The following CDH1 variants were observed in gnomAD, a reference collection of about 807,000 sequenced individuals.
CDH1 encodes the protein cadherin 1, also known as cadherin-1.
A neutral mutation model predicts 84.5 loss-of-function variants in CDH1; 35 were observed. The ratio of observed to expected loss-of-function variants is 0.41; its 90% CI spans 0.32 to 0.55. The LOEUF (loss-of-function observed/expected upper bound fraction) is 0.55. Ranked by LOEUF, CDH1 falls within the 20% of genes least tolerant of loss-of-function variation. The pLI is 0.19. For missense variants in CDH1, 994 were observed against 1,126.6 expected (o/e 0.88, Z 1.68); for synonymous variants, 417 against 439.0 (o/e 0.95, Z 0.63).
intron 2 of CDH1, among the ~76,000 whole-genome samples, chr16:68,778,705 AAGG>A (rs1178497638): frequency 6.6e-5 from 10 of 152,154 alleles, no homozygotes; most frequent in Admixed American, 2.0e-4. Context: ...AATGGCTTAA[AAGG>A]GTGTTTAAAA....
chr16:68,766,238 G>A (rs955995303), intron 2 of CDH1, among the ~76,000 whole-genome samples: 17 of 152,118 alleles, frequency 1.1e-4, no homozygotes, highest in African/African-American at 3.6e-4. Flanking sequence ...CAGCCTGGGC[G>A]ACAGAGTGAG....
chr16:68,782,561 G>A (rs1959915132), intron 2 of CDH1, among the ~76,000 whole-genome samples: 1 of 152,188 alleles, frequency 6.6e-6, no homozygotes, highest in South Asian at 2.1e-4. Context: ...CTAGACTCCA[G>A]GCCTAAGCGC....
At chr16:68,825,187 T>C (rs1961286721) in intron 13 of CDH1, among the ~76,000 whole-genome samples, 1 of 152,370 alleles carries the variant, frequency 6.6e-6, no homozygotes, top group African/African-American at 2.4e-5. Flanking sequence ...AGCTCATGAA[T>C]GCCTTTGTAG....
intron 6 of CDH1, among the ~76,000 whole-genome samples, chr16:68,811,226 T>A (rs556275263): frequency 6.6e-6 from 1 of 151,986 alleles, no homozygotes; most frequent in South Asian, 2.1e-4. Context: ...GGAGAAACCC[T>A]GTCTCTACTA....
At chr16:68,798,885 T>C (rs1019889593) in intron 2 of CDH1, among the ~76,000 whole-genome samples, 1 of 152,276 alleles carries the variant, frequency 6.6e-6, no homozygotes, top group African/African-American at 2.4e-5. Context: ...GGACTTGGCA[T>C]TTCTTCTTGA....
At position 68,819,272 on chromosome 16, in the gene CDH1, C is replaced by G. The variant is rs587780114; in HGVS notation, c.1566-8C>G. On this transcript the variant is annotated splice_polypyrimidine_tract_variant and splice_region_variant and intron_variant, in intron 10 of 15. Coordinates refer to ENST00000261769, the MANE Select transcript of CDH1 (RefSeq NM_004360.5). ...CTATTCTAAAAGCCAGAGCTTGTCC[C>G]CGTTCAGATATCGGATTTGGAGAGA... is the stretch of plus-strand genomic sequence containing the variant. 3.7e-6 allele frequency: 6 copies of G among 1,614,214 alleles called. No individual in the cohort carries two copies. Among genetic ancestry groups the G allele is most frequent in the Non-Finnish European group, 5.1e-6 (6 of 1,180,036 alleles).
At chr16:68,788,123 A>G (rs934826891) in intron 2 of CDH1, among the ~76,000 whole-genome samples, 2 of 152,142 alleles carry the variant, frequency 1.3e-5, no homozygotes, top group African/African-American at 2.4e-5. Context: ...CACCGCACCC[A>G]GCCTACTGTT....
At chr16:68,792,279 G>C (rs1421924203) in intron 2 of CDH1, among the ~76,000 whole-genome samples, 3 of 150,866 alleles carry the variant, frequency 2.0e-5, no homozygotes, top group East Asian at 1.9e-4. Flanking sequence ...GCCCAGGCTG[G>C]AGGGCAGTGG....
At chr16:68,758,809 A>T (rs1477694167) in intron 2 of CDH1, among the ~76,000 whole-genome samples, 2 of 142,378 alleles carry the variant, frequency 1.4e-5, no homozygotes. Flanking sequence ...TTTGAGTGCA[A>T]TTTTTTTTTT....
In CDH1 at chr16:68,792,506, G is replaced by T. The variant is rs145306062; in HGVS notation, c.164-9164G>T. On this transcript the variant is annotated intron_variant, in intron 2 of 15. Coordinates refer to ENST00000261769, the MANE Select transcript of CDH1 (RefSeq NM_004360.5). ...CCCAAAGGGCTGGGATTATAGGCGT[G>T]AGCCAGTACGCCCTGCGACACTGAC... is the stretch of plus-strand genomic sequence containing the variant. Among the ~76,000 whole-genome samples, 120 of 152,312 alleles carry T rather than the reference G, an allele frequency of 7.9e-4. No individual in the cohort carries two copies. The Middle Eastern group carries it at 0.01, about 13-fold the overall frequency.
At chr16:68,766,738 C>T (rs1384653635) in intron 2 of CDH1, among the ~76,000 whole-genome samples, 13 of 150,320 alleles carry the variant, frequency 8.6e-5, no homozygotes, top group South Asian at 2.1e-4. Context: ...CTAGAACCCC[C>T]TTTTTTTTTG....
At chr16:68,831,630 C>G (rs58819426) in intron 15 of CDH1, among the ~76,000 whole-genome samples, 8,876 of 151,966 alleles carry the variant, frequency 0.058, 368 homozygotes, top group Middle Eastern at 0.14. Context: ...ACCTCTGCCT[C>G]CTAGATTCAA....
rs1960856637 is a variant in CDH1 at position 68,812,187 on chromosome 16, G to A, written c.1061G>A (p.Gly354Glu). 1 of 1,614,150 alleles carries A rather than the reference G, an allele frequency of 6.2e-7. No homozygotes were observed. Among genetic ancestry groups the A allele is most frequent in the Non-Finnish European group, 8.5e-7 (1 of 1,180,002 alleles). The change falls in exon 8 of 16, where the codon GGG becomes GAG. Residue 354 changes from glycine (G) to glutamate (E), a missense_variant. Physicochemically the swap from Gly to Glu is moderately conservative, Grantham distance 98. Coordinates refer to ENST00000261769, the MANE Select transcript of CDH1 (RefSeq NM_004360.5). ...VVQAADLQGE[G>E]LSTTATAVIT... is the part of the protein sequence containing the mutation. ...CAAGCTGCTGACCTTCAAGGTGAGG[G>A]GTTAAGCACAACAGCAACAGCTGTG...
chr16:68,791,124 G>T (rs1489421047), intron 2 of CDH1, among the ~76,000 whole-genome samples: 1 of 152,062 alleles, frequency 6.6e-6, no homozygotes, highest in East Asian at 1.9e-4. Context: ...TGTGATTGTG[G>T]CTGGATCTTC....
rs878854694 is a variant in CDH1, at chr16:68,810,209, G to A, written c.700G>A (p.Ala234Thr). 5 of 1,614,064 alleles carry A rather than the reference G, an allele frequency of 3.1e-6. No homozygotes were observed. Among genetic ancestry groups the A allele is most frequent in the Non-Finnish European group, 3.4e-6 (4 of 1,180,006 alleles). ...RIATYTLFSH[A>T]VSSNGNAVED... Reference sequence around the variant, plus strand: ...TTGGTTCTTTCAGCTCTTCTCTCACGCTGTGTCATCCAACGGGAATGCAGT... The same window carrying A: ...TTGGTTCTTTCAGCTCTTCTCTCACACTGTGTCATCCAACGGGAATGCAGT... The change falls in exon 6 of 16, where the codon GCT (alanine) becomes ACT (threonine). Residue 234 changes from alanine to threonine, a missense_variant. This residue lies in a region of CDH1 where 769 missense variants were observed against 881.8 expected (regional missense o/e 0.87). Coordinates refer to ENST00000261769, the MANE Select transcript of CDH1 (RefSeq NM_004360.5).
At chr16:68,771,144 G>A (rs1356249338) in intron 2 of CDH1, 1 of 152,384 alleles carries the variant, frequency 6.6e-6, no homozygotes, top group African/African-American at 2.4e-5. Context: ...GTTGGTGGAA[G>A]TTAGCTCCTG....
intron 2 of CDH1, among the ~76,000 whole-genome samples, chr16:68,781,057 G>A (rs1010225365): frequency 6.6e-6 from 1 of 152,168 alleles, no homozygotes; most frequent in Non-Finnish European, 1.5e-5. Context: ...AGTCTGTGGG[G>A]AAAAAAGTGT....
intron 2 of CDH1, among the ~76,000 whole-genome samples, chr16:68,780,460 C>T (rs1959844256): frequency 6.6e-6 from 1 of 152,006 alleles, no homozygotes; most frequent in African/African-American, 2.4e-5. Flanking sequence ...TGCACCACCA[C>T]ACCTGGCTAA....
chr16:68,738,928 T>C (rs1481266634), intron 2 of CDH1, among the ~76,000 whole-genome samples: 2 of 130,746 alleles, frequency 1.5e-5, no homozygotes, highest in Non-Finnish European at 3.2e-5. Context: ...TGTTTACAGA[T>C]ATAAAAGCTT....
Sources: gnomAD v4.1 joint callset for allele counts (sites outside exome capture counted in the v4.1 genomes callset) on GRCh38, gnomAD v4.1.1 for gene constraint, gnomAD v4.1.1 regional missense constraint, MANE v1.5 for transcripts, NCBI Gene and HGNC (gene_info 2026-07-23, HGNC 2026-07-21) for gene names.